NUSAP1: variants seen among roughly 807,000 people sequenced by gnomAD.
The protein encoded by NUSAP1 is nucleolar and spindle-associated protein 1.
Under a neutral mutation model 52.8 loss-of-function variants are expected in NUSAP1, and 32 were observed. That is an observed-to-expected ratio of 0.61 (90% confidence interval 0.46 to 0.81). The LOEUF (loss-of-function observed/expected upper bound fraction) is 0.81. Ranked by LOEUF, NUSAP1 falls within the 40% of genes least tolerant of loss-of-function variation. The pLI is 0.00. For synonymous variants in NUSAP1, 195 were observed against 183.1 expected (o/e 1.06, Z -0.52); for missense variants, 499 against 522.3 (o/e 0.96, Z 0.43).
At chr15:41,333,098 C>T (rs745767883) in intron 1 of NUSAP1, 48 bp downstream of exon 1, 8 of 1,444,380 alleles carry the variant, frequency 5.5e-6, no homozygotes, top group South Asian at 3.6e-5. Context: ...GCGGGAATAG[C>T]GGCCTCGGGG....
intron 1 of NUSAP1, among the ~76,000 whole-genome samples, chr15:41,337,702 G>T (rs543014118): frequency 8.3e-4 from 126 of 152,016 alleles, no homozygotes; most frequent in African/African-American, 2.9e-3. Context: ...GTAGCATTTG[G>T]CATGATTGAA....
rs1243413875 is a variant in NUSAP1, at chr15:41,377,282, A to G, written c.1210A>G (p.Lys404Glu). 1.3e-6 allele frequency: 2 copies of G among 1,509,168 alleles called. No homozygotes were observed. Among genetic ancestry groups the G allele is most frequent in the Non-Finnish European group, 9.0e-7 (1 of 1,115,038 alleles). The allele number at this position is 1,509,168 out of a possible 1,614,324, so 93.5% of individuals were successfully genotyped here. A position where few individuals can be genotyped will look rare whatever the true frequency, so the allele number is the denominator to read the frequency against. Residue 404 changes from lysine (K) to glutamate (E), a missense_variant, in exon 10 of 11, where the codon AAA becomes GAA. Transcript: ENST00000559596. ...NRINFYKKTY[K>E]QPHLQTKEEQ... ...AATTAACTTCTACAAGAAAACTTAC[A>G]AACAACCCCATCTCCAGACAAAGTA...
chr15:41,340,848 G>A (rs1703397609), intron 1 of NUSAP1, among the ~76,000 whole-genome samples: 1 of 152,172 alleles, frequency 6.6e-6, no homozygotes, highest in African/African-American at 2.4e-5. Flanking sequence ...AAAGTGGATT[G>A]GAGACTGTGG....
chr15:41,365,433 C>T lies in NUSAP1; in HGVS notation c.692C>T (p.Thr231Ile), dbSNP rs565880447. The T allele has an allele frequency of 9.9e-6, 16 of 1,612,760 alleles. No homozygotes were observed. The East Asian group carries it at 3.6e-4, about 36-fold the overall frequency. The change falls in exon 7 of 11, where the codon ACT becomes ATT. Residue 231 changes from threonine (T) to isoleucine (I), a missense_variant. Transcript: ENST00000559596. ...CCCATCAATAAGGGAGGGGTCAGGA[C>T]TCCAGTACCTCCAAGAGGAAGACTC... The part of the protein sequence containing the change: ...QQPINKGGVR[T>I]PVPPRGRLSV...
At chr15:41,337,931 C>CTTTTTTTTTTTTTTTTTTTTTTTT (rs757341496) in intron 1 of NUSAP1, among the ~76,000 whole-genome samples, 12 of 110,938 alleles carry the variant, frequency 1.1e-4, no homozygotes, top group Non-Finnish European at 1.4e-4. Flanking sequence ...TTTCTTTTTT[C>CTTTTTTTTTTTTTTTTTTTTTTTT]TTTTTTTTTT....
chr15:41,333,120 G>T, intron 1 of NUSAP1, 70 bp downstream of exon 1: 2 of 1,216,240 alleles, frequency 1.6e-6, no homozygotes, highest in Admixed American at 2.0e-5. Flanking sequence ...GATGCGGTGC[G>T]AAGGGACCGA....
intron 5 of NUSAP1, among the ~76,000 whole-genome samples, chr15:41,356,351 TTTC>T (rs2048969407): frequency 2.4e-5 from 2 of 84,560 alleles, no homozygotes; most frequent in South Asian, 6.1e-4. Context: ...TGCCTATTTC[TTTC>T]TTTTTTTTTT....
At chr15:41,355,910 C>T in intron 4 of NUSAP1, 129 bp from the exon 5 acceptor site, 3 of 568,820 alleles carry the variant, frequency 5.3e-6, no homozygotes, top group South Asian at 3.9e-5. Flanking sequence ...GATCTTCTGA[C>T]CTCGTGATCC....
intron 8 of NUSAP1, among the ~76,000 whole-genome samples, chr15:41,372,667 C>G (rs2049749019): frequency 6.6e-6 from 1 of 152,106 alleles, no homozygotes; most frequent in African/African-American, 2.4e-5. Flanking sequence ...GATACTGATA[C>G]AGTGGGATAG....
chr15:41,375,645 T>G, intron 8 of NUSAP1, 67 bp from the exon 9 acceptor site: 2 of 1,042,592 alleles, frequency 1.9e-6, no homozygotes, highest in Non-Finnish European at 1.5e-6. Context: ...GAAGTAACAC[T>G]TTGATAAACA....
At chr15:41,341,651 T>C (rs2048371549) in intron 1 of NUSAP1, among the ~76,000 whole-genome samples, 1 of 152,214 alleles carries the variant, frequency 6.6e-6, no homozygotes, top group African/African-American at 2.4e-5. Flanking sequence ...TAAGAAGGTT[T>C]TGACTTCATC....
At chr15:41,348,126 AAAAG>A (rs1387232684) in intron 2 of NUSAP1, among the ~76,000 whole-genome samples, 4 of 152,126 alleles carry the variant, frequency 2.6e-5, no homozygotes. Flanking sequence ...TTGTCTCTAA[AAAAG>A]AAAGAAAGAA....
Position 41,365,399 on chromosome 15 carries a change from C to A in NUSAP1, c.661-3C>A. The A allele has an allele frequency of 6.3e-7, 1 of 1,598,218 alleles. No individual in the cohort carries two copies. The highest frequency in any genetic ancestry group is 8.5e-7 in the Non-Finnish European group (1 of 1,170,086). On this transcript the variant is annotated splice_region_variant and splice_polypyrimidine_tract_variant and intron_variant, in intron 6 of 10. Coordinates refer to ENST00000559596, the MANE Select transcript of NUSAP1 (RefSeq NM_016359.5). ...CTTTTAAAATGATGCATTTTCTCTT[C>A]AGCAGCAGCCCATCAATAAGGGAGG... is the stretch of plus-strand genomic sequence containing the variant.
At chr15:41,336,553 C>T (rs2048139162) in intron 1 of NUSAP1, among the ~76,000 whole-genome samples, 1 of 151,618 alleles carries the variant, frequency 6.6e-6, no homozygotes, top group Admixed American at 6.6e-5. Context: ...CTGCAGCTAA[C>T]TCTAGTTGGA....
Position 41,362,559 on chromosome 15 carries a change from G to A in NUSAP1, c.661-2843G>A, listed in dbSNP as rs527393749. On this transcript the variant is annotated intron_variant, in intron 6 of 10. Coordinates refer to ENST00000559596, the MANE Select transcript of NUSAP1 (RefSeq NM_016359.5). Reference sequence around the variant, plus strand: ...CCTGTCTCAGCCTCCTGAGTAGCTGGGACTACGGGCGCCCGCCACCACACC... The same window carrying A: ...CCTGTCTCAGCCTCCTGAGTAGCTGAGACTACGGGCGCCCGCCACCACACC... Among the ~76,000 whole-genome samples the A allele has an allele frequency of 3.6e-3, 542 of 151,428 alleles. 6 individuals carry two copies. The highest frequency in any genetic ancestry group is 0.013 in the African/African-American group (517 of 41,358).
intron 4 of NUSAP1, among the ~76,000 whole-genome samples, chr15:41,355,005 G>A (rs2048912362): frequency 2.6e-5 from 4 of 150,944 alleles, no homozygotes; most frequent in Admixed American, 2.6e-4. Context: ...GGGCGAAAGA[G>A]CGAGACTCCA....
chr15:41,378,306 G>C (rs1567081243), intron 10 of NUSAP1, among the ~76,000 whole-genome samples: 1 of 152,174 alleles, frequency 6.6e-6, no homozygotes, highest in Non-Finnish European at 1.5e-5. Context: ...GCCCTATAAA[G>C]AGGAAAAACC....
chr15:41,379,940 C>G (rs746220159), intron 10 of NUSAP1, among the ~76,000 whole-genome samples, 153 bp from the exon 11 acceptor site: 1 of 152,100 alleles, frequency 6.6e-6, no homozygotes, highest in Non-Finnish European at 1.5e-5. Context: ...GTTAGAAACA[C>G]TAGGCAGAGC....
chr15:41,380,085 C>T lies in NUSAP1; in HGVS notation c.1233-8C>T, dbSNP rs1397090976. On this transcript the variant is annotated splice_region_variant and splice_polypyrimidine_tract_variant and intron_variant, in intron 10 of 10. Coordinates refer to ENST00000559596, the MANE Select transcript of NUSAP1 (RefSeq NM_016359.5). Reference sequence around the variant, plus strand: ...CCTAGAGCTTAATGTGTGACCTATCCCTCTCAGGGAAGAGCAACGGAAGAA... The same window carrying T: ...CCTAGAGCTTAATGTGTGACCTATCTCTCTCAGGGAAGAGCAACGGAAGAA... 2 of 1,566,762 alleles carry T rather than the reference C, an allele frequency of 1.3e-6. No homozygotes were observed. Among genetic ancestry groups the T allele is most frequent in the Non-Finnish European group, 8.7e-7 (1 of 1,155,282 alleles).
Sources: allele counts gnomAD v4.1 joint callset (sites outside exome capture counted in the v4.1 genomes callset), GRCh38; gene constraint gnomAD v4.1.1; transcripts MANE v1.5; gene names NCBI Gene and HGNC (gene_info 2026-07-23, HGNC 2026-07-21).